LRIF1: variants seen among roughly 807,000 people sequenced by gnomAD.
The protein encoded by LRIF1 is ligand dependent nuclear receptor interacting factor 1.
A neutral mutation model predicts 52.7 loss-of-function variants in LRIF1; 32 were observed. The ratio of observed to expected loss-of-function variants is 0.61; its 90% confidence interval spans 0.46 to 0.82. LRIF1 has a LOEUF of 0.82. Among genes scored for constraint, LRIF1 ranks in the 40% least tolerant of loss-of-function variants. The pLI is 0.00. For synonymous variants in LRIF1, 323 were observed against 317.4 expected (o/e 1.02, Z -0.19); for missense variants, 887 against 892.0 (o/e 0.99, Z 0.07).
the LRIF1 span, chr1:110,936,245 A>T: frequency 2.0e-4 from 30 of 152,314 alleles, no homozygotes; most frequent in East Asian, 5.6e-3. Context: ...AGCAATAAGC[A>T]ATCATCTAAG....
the LRIF1 span, among the ~76,000 whole-genome samples, chr1:110,877,976 T>G: frequency 6.6e-6 from 1 of 152,304 alleles, no homozygotes; most frequent in South Asian, 2.1e-4. Flanking sequence ...CCAAATGAGT[T>G]GGGAAGTAAT....
intron 1 of LRIF1, among the ~76,000 whole-genome samples, chr1:110,958,971 T>C (rs540525922): frequency 9.9e-5 from 15 of 152,208 alleles, no homozygotes; most frequent in African/African-American, 2.9e-4. Flanking sequence ...TCTATCAATA[T>C]ACAGTTTTTC....
At chr1:110,885,000 T>C in the LRIF1 span, among the ~76,000 whole-genome samples, 1 of 152,170 alleles carries the variant, frequency 6.6e-6, no homozygotes, top group South Asian at 2.1e-4. Flanking sequence ...GTCTCATTTT[T>C]CTACTTGTTC....
At chr1:110,925,396 C>T in the LRIF1 span, among the ~76,000 whole-genome samples, 1 of 148,106 alleles carries the variant, frequency 6.8e-6, no homozygotes, top group Non-Finnish European at 1.5e-5. Flanking sequence ...GTCACATAAA[C>T]CAATTTCTTA....
chr1:110,877,917 G>A, the LRIF1 span, among the ~76,000 whole-genome samples: 5 of 152,148 alleles, frequency 3.3e-5, no homozygotes, highest in African/African-American at 1.2e-4. Context: ...GAGTTCAAAC[G>A]AGCTGATGAA....
the LRIF1 span, among the ~76,000 whole-genome samples, chr1:110,931,731 A>G: frequency 1.3e-5 from 2 of 152,164 alleles, no homozygotes; most frequent in Non-Finnish European, 2.9e-5. Context: ...TTCTCTGATG[A>G]CCAATGATGA....
At position 110,952,137 on chromosome 1, in the gene LRIF1, A is replaced by C. The variant is rs750565942; in HGVS notation, c.747T>G (p.Ile249Met). The C allele has an allele frequency of 1.2e-6, 2 of 1,614,048 alleles. No homozygotes were observed. Among genetic ancestry groups the C allele is most frequent in the South Asian group, 2.2e-5 (2 of 91,076 alleles). ...CTATTTCTGTAACAGGTTTTGGGTAAATGTTTTGAAAGTTCTTGGTAACTA... is the reference window on the plus strand; with the variant it reads ...CTATTTCTGTAACAGGTTTTGGGTACATGTTTTGAAAGTTCTTGGTAACTA... ...KNVVTKNFQN[I>M]YPKPVTEIAK... The change falls in exon 2 of 4, where the codon ATT (isoleucine) becomes ATG (methionine). Residue 249 changes from isoleucine to methionine, a missense_variant. Transcript: ENST00000369763.
At chr1:110,946,882 C>A (rs1320075426), downstream of LRIF1, among the ~76,000 whole-genome samples, 1 of 152,140 alleles carries the variant, frequency 6.6e-6, no homozygotes, top group Non-Finnish European at 1.5e-5. Flanking sequence ...GTCTCAAACT[C>A]CTGACCTCAG....
chr1:110,907,984 G>C, the LRIF1 span, among the ~76,000 whole-genome samples: 1 of 152,090 alleles, frequency 6.6e-6, no homozygotes, highest in African/African-American at 2.4e-5. Context: ...TTTAACTAGT[G>C]CCCAACTTGT....
At chr1:110,877,563 TG>T in the LRIF1 span, among the ~76,000 whole-genome samples, 1 of 152,202 alleles carries the variant, frequency 6.6e-6, no homozygotes, top group Non-Finnish European at 1.5e-5. Context: ...AGCTCCCACA[TG>T]GGAGGAAGTG....
chr1:110,902,397 C>A, the LRIF1 span, among the ~76,000 whole-genome samples: 1 of 149,956 alleles, frequency 6.7e-6, no homozygotes, highest in Admixed American at 6.7e-5. Flanking sequence ...TATATGTAAA[C>A]CTTTCATAAT....
chr1:110,888,652 A>T, the LRIF1 span, among the ~76,000 whole-genome samples: 1 of 152,222 alleles, frequency 6.6e-6, no homozygotes, highest in African/African-American at 2.4e-5. Flanking sequence ...GAAAATGAAA[A>T]AGGTGAAATG....
At chr1:110,886,999 T>G in the LRIF1 span, among the ~76,000 whole-genome samples, 1 of 151,414 alleles carries the variant, frequency 6.6e-6, no homozygotes, top group African/African-American at 2.4e-5. Flanking sequence ...TCACACATTG[T>G]AGTTTCATCT....
At chr1:110,894,978 A>G in the LRIF1 span, 38 of 1,613,840 alleles carry the variant, frequency 2.4e-5, 2 homozygotes, top group South Asian at 3.7e-4. Context: ...GTATGTGGCT[A>G]AGGGTCTGAC....
intron 1 of LRIF1, among the ~76,000 whole-genome samples, chr1:110,953,945 A>G (rs1377042593): frequency 6.6e-6 from 1 of 152,198 alleles, no homozygotes; most frequent in Non-Finnish European, 1.5e-5. Flanking sequence ...GTCATCATAT[A>G]TTAATATGTT....
the LRIF1 span, among the ~76,000 whole-genome samples, chr1:110,924,668 T>C: frequency 6.6e-6 from 1 of 152,222 alleles, no homozygotes; most frequent in Non-Finnish European, 1.5e-5. Context: ...ATGGGGATTA[T>C]GGGGATTGCA....
At chr1:110,953,748 T>A (rs1215656707) in intron 1 of LRIF1, among the ~76,000 whole-genome samples, 1 of 152,230 alleles carries the variant, frequency 6.6e-6, no homozygotes, top group Non-Finnish European at 1.5e-5. Flanking sequence ...TGAGCTTTCA[T>A]GTCACACATA....
At chr1:110,909,998 A>G in the LRIF1 span, among the ~76,000 whole-genome samples, 16 of 152,288 alleles carry the variant, frequency 1.1e-4, no homozygotes, top group African/African-American at 3.8e-4. Context: ...CTAAATATAC[A>G]TGCACCCAAT....
the LRIF1 span, chr1:110,891,306 C>G: frequency 1.1e-6 from 1 of 938,494 alleles, no homozygotes. Context: ...CAAGGTAATG[C>G]TAGAGATCCC....
Sources: allele counts gnomAD v4.1 joint callset (sites outside exome capture counted in the v4.1 genomes callset), GRCh38; gene constraint gnomAD v4.1.1; transcripts MANE v1.5; gene names NCBI Gene and HGNC (gene_info 2026-07-23, HGNC 2026-07-21).